Variants in ARHGAP6 observed in about 807,000 individuals in gnomAD.
ARHGAP6 encodes the protein rho GTPase-activating protein 6.
A neutral mutation model predicts 55.7 loss-of-function variants in ARHGAP6; 16 were observed. The ratio of observed to expected loss-of-function variants is 0.29; its 90% CI spans 0.19 to 0.44. ARHGAP6 has a LOEUF of 0.44. Among genes scored for constraint, ARHGAP6 ranks in the 20% least tolerant of loss-of-function variants. The pLI, the probability that ARHGAP6 is intolerant of heterozygous loss-of-function variation, is 1.00. For synonymous variants in ARHGAP6, 382 were observed against 360.9 expected, an observed-to-expected ratio of 1.06 and a Z score of -0.66; for missense variants, 698 against 808.9, an observed-to-expected ratio of 0.86 and a Z score of 1.66.
chrX:11,333,146 C>T (rs774663986), intron 1 of ARHGAP6, among the ~76,000 whole-genome samples: 3 of 111,687 alleles, frequency 2.7e-5, no homozygotes, highest in Non-Finnish European at 3.8e-5. Context: ...GTTCTTTATT[C>T]TTAAATAAAT....
chrX:11,172,089 A>G (rs5934972), intron 8 of ARHGAP6, among the ~76,000 whole-genome samples: 23,936 of 110,365 alleles, frequency 0.22, 1,930 homozygotes, highest in Middle Eastern at 0.34. Flanking sequence ...CAGGAGTCCC[A>G]ATGAACAGCT....
In ARHGAP6 at chrX:11,431,435, A is replaced by ATT. The variant is rs1175190543; in HGVS notation, c.589-176729_589-176728insAA. ...AATTTTCCACAGTTAATGCCAATGC[A>ATT]AGGGTGATTACTTTTTTCAGAAAAA... On this transcript the variant is annotated intron_variant, in intron 1 of 12. Transcript: ENST00000337414. Among the ~76,000 whole-genome samples the ATT allele has an allele frequency of 3.5e-5, 4 of 113,034 alleles. No individual in the cohort carries two copies. The Admixed American group carries it at 3.7e-4, about 11-fold the overall frequency.
intron 1 of ARHGAP6, among the ~76,000 whole-genome samples, chrX:11,421,093 G>C (rs1235041297): frequency 9.0e-6 from 1 of 111,481 alleles, no homozygotes; most frequent in Non-Finnish European, 1.9e-5. Context: ...ACCCTCTCCA[G>C]AGTAATCCCC....
chrX:11,400,430 C>T (rs746090160), intron 1 of ARHGAP6, among the ~76,000 whole-genome samples: 1 of 109,206 alleles, frequency 9.2e-6, no homozygotes, highest in East Asian at 2.9e-4. Flanking sequence ...TGAAGCTGGT[C>T]ATTGTTCCAG....
At chrX:11,140,202 T>TA (rs773186297) in intron 12 of ARHGAP6, among the ~76,000 whole-genome samples, 172 of 98,957 alleles carry the variant, frequency 1.7e-3, no homozygotes, top group African/African-American at 5.7e-3. Flanking sequence ...AAAAAAAAAA[T>TA]AAAAAAAAAA....
chrX:11,657,984 G>A (rs2052657455), intron 1 of ARHGAP6, among the ~76,000 whole-genome samples: 2 of 111,886 alleles, frequency 1.8e-5, no homozygotes, highest in Non-Finnish European at 3.8e-5. Context: ...TACGTAATCA[G>A]GATAAAAACT....
chrX:11,205,603 C>T (rs1371279054), intron 2 of ARHGAP6, among the ~76,000 whole-genome samples: 1 of 111,892 alleles, frequency 8.9e-6, no homozygotes, highest in Non-Finnish European at 1.9e-5. Flanking sequence ...GTATACCCCA[C>T]CTTTTATGAC....
intron 2 of ARHGAP6, among the ~76,000 whole-genome samples, chrX:11,212,794 A>AAT (rs1018252964): frequency 1.6e-4 from 18 of 111,772 alleles, no homozygotes; most frequent in African/African-American, 5.5e-4. Flanking sequence ...ACTTTGAGAA[A>AAT]ATATATATAT....
chrX:11,580,548 A>G (rs1453239594), intron 1 of ARHGAP6, among the ~76,000 whole-genome samples: 1 of 112,533 alleles, frequency 8.9e-6, no homozygotes, highest in Non-Finnish European at 1.9e-5. Flanking sequence ...TAAGTACTAG[A>G]AAGTCCAAAC....
chrX:11,404,556 T>C (rs769927192), intron 1 of ARHGAP6, among the ~76,000 whole-genome samples: 1 of 112,102 alleles, frequency 8.9e-6, no homozygotes, highest in South Asian at 3.8e-4. Flanking sequence ...CAAATTTTCT[T>C]TTCAGTTCAT....
At chrX:11,361,385 G>C (rs1258690832) in intron 1 of ARHGAP6, among the ~76,000 whole-genome samples, 7 of 110,894 alleles carry the variant, frequency 6.3e-5, no homozygotes, top group African/African-American at 2.0e-4. Flanking sequence ...ACAAACCTGA[G>C]AAAAACAAGC....
chrX:11,602,235 T>C (rs1216608230), intron 1 of ARHGAP6, among the ~76,000 whole-genome samples: 1 of 112,067 alleles, frequency 8.9e-6, no homozygotes, highest in Non-Finnish European at 1.9e-5. Context: ...ATACCTCCCA[T>C]CAGTGAAATG....
intron 8 of ARHGAP6, among the ~76,000 whole-genome samples, chrX:11,173,208 A>G (rs1602775437): frequency 8.9e-6 from 1 of 111,975 alleles, no homozygotes; most frequent in South Asian, 3.8e-4. Flanking sequence ...CAGCCATGGC[A>G]TGGGGAAACG....
chrX:11,587,052 T>A (rs772546285), intron 1 of ARHGAP6, among the ~76,000 whole-genome samples: 2 of 112,043 alleles, frequency 1.8e-5, no homozygotes, highest in Non-Finnish European at 3.8e-5. Context: ...ACATTGTTTA[T>A]CATATTAAGG....
intron 1 of ARHGAP6, among the ~76,000 whole-genome samples, chrX:11,371,187 T>C (rs2049139460): frequency 8.9e-6 from 1 of 111,770 alleles, no homozygotes. Context: ...AAAATTAACA[T>C]GGTCCCTTAA....
intron 1 of ARHGAP6, among the ~76,000 whole-genome samples, chrX:11,613,772 A>T (rs941382398): frequency 2.0e-4 from 22 of 112,540 alleles, no homozygotes; most frequent in African/African-American, 7.1e-4. Context: ...TCTTAGGAAG[A>T]GTCAATGGTT....
At chrX:11,145,458 C>T (rs2045677145) in intron 10 of ARHGAP6, among the ~76,000 whole-genome samples, 1 of 111,912 alleles carries the variant, frequency 8.9e-6, no homozygotes, top group Non-Finnish European at 1.9e-5. Context: ...TTGCTGAGGA[C>T]ATTTCCTACC....
At chrX:11,515,954 C>G (rs1019925257) in intron 1 of ARHGAP6, among the ~76,000 whole-genome samples, 1 of 112,501 alleles carries the variant, frequency 8.9e-6, no homozygotes, top group Non-Finnish European at 1.9e-5. Context: ...CACCCCCAAA[C>G]GTGATATCCC....
At chrX:11,184,631 T>C (rs940577583) in intron 5 of ARHGAP6, among the ~76,000 whole-genome samples, 1 of 112,578 alleles carries the variant, frequency 8.9e-6, no homozygotes, top group Non-Finnish European at 1.9e-5. Context: ...ATTTCGTACA[T>C]AGAAGATTCA....
Sources: allele counts gnomAD v4.1 joint callset (sites outside exome capture counted in the v4.1 genomes callset), GRCh38; gene constraint gnomAD v4.1.1; transcripts MANE v1.5; gene names NCBI Gene and HGNC (gene_info 2026-07-23, HGNC 2026-07-21).